Variants in KIF7 observed in about 807,000 individuals in gnomAD.
The protein encoded by KIF7 is kinesin family member 7, also known as kinesin-like protein KIF7.
A neutral mutation model predicts 135.7 loss-of-function variants in KIF7; 104 were observed. The ratio of observed to expected loss-of-function variants is 0.77; its 90% CI spans 0.65 to 0.90. KIF7 has a LOEUF of 0.90. Ranked by LOEUF, KIF7 falls within the 40% of genes least tolerant of loss-of-function variation. The pLI is 0.00. For synonymous variants in KIF7, 883 were observed against 809.4 expected, an observed-to-expected ratio of 1.09 and a Z score of -1.54; for missense variants, 2,005 against 1,839.1, an observed-to-expected ratio of 1.09 and a Z score of -1.65.
chr15:89,633,006 A>AGTAGGGAG lies in KIF7; in HGVS notation c.2719-18_2719-11dup, dbSNP rs1555423472. On this transcript the variant is annotated splice_polypyrimidine_tract_variant and intron_variant, in intron 13 of 18. Transcript: ENST00000394412. The stretch of plus-strand genomic sequence containing the variant: ...TCTGCTCCTCAATCTTCTAAGGAAA[A>AGTAGGGAG]GTAGGGAGGGAGGGAGGGAACTCAG... 9 of 339,396 alleles carry AGTAGGGAG rather than the reference A, an allele frequency of 2.7e-5. No homozygotes were observed. The African/African-American group carries it at 5.2e-4, about 20-fold the overall frequency. 21.0% of individuals were successfully genotyped at this position (339,396 alleles called of 1,614,324 possible).
chr15:89,645,825 T>A (rs780137850), intron 8 of KIF7, 68 bp downstream of exon 8: 1 of 1,575,830 alleles, frequency 6.3e-7, no homozygotes, highest in Non-Finnish European at 8.6e-7. Context: ...GACGGTGCGA[T>A]CCCCAGCCTG....
chr15:89,624,096 G>A (rs950570288), downstream of KIF7: 18 of 1,613,662 alleles, frequency 1.1e-5, no homozygotes, highest in Non-Finnish European at 1.5e-5. Context: ...GCACGCCTCA[G>A]AATCAAACAC....
At chr15:89,622,562 G>C (rs1021992240) in intron 1 of KIF7, among the ~76,000 whole-genome samples, 5 of 152,192 alleles carry the variant, frequency 3.3e-5, no homozygotes, top group African/African-American at 1.2e-4. Flanking sequence ...TGGAAACTCA[G>C]TAAATTGCTT....
chr15:89,628,250 TC>T lies in KIF7; in HGVS notation c.*168del. The T allele has an allele frequency of 1.4e-6, 1 of 707,154 alleles. No individual in the cohort carries two copies. The highest frequency in any genetic ancestry group is 2.7e-5 in the South Asian group (1 of 36,742). The allele number at this position is 707,154 out of a possible 1,614,324, so 43.8% of individuals were successfully genotyped here. On this transcript the variant is annotated 3_prime_UTR_variant, in exon 19 of 19. Coordinates refer to ENST00000394412, the MANE Select transcript of KIF7 (RefSeq NM_198525.3). The stretch of plus-strand genomic sequence containing the variant: ...TGCATATTATTTTGTTAAATGAGGG[TC>T]CAGTTCTTTTGGGCCATGGCCCAAA...
At chr15:89,627,138 G>T (rs771173857), downstream of KIF7, 1 of 1,604,926 alleles carries the variant, frequency 6.2e-7, no homozygotes, top group Non-Finnish European at 8.5e-7. Flanking sequence ...GGACCCTGTG[G>T]ACATAAAGAA....
Position 89,621,426 on chromosome 15 carries a change from G to A in KIF7, c.181-3231C>T, listed in dbSNP as rs200662212. On this transcript the variant is annotated intron_variant and NMD_transcript_variant, in intron 1 of 2. Coordinates refer to the KIF7 transcript ENST00000558928. ...GAAAATTCTCCAGTCCAAAGTATTC[G>A]GTCTCCCAAGAGTCTTCTTTTTGGG... The A allele has an allele frequency of 1.6e-4, 256 of 1,610,566 alleles. 5 individuals carry two copies. The South Asian group carries it at 2.7e-3, about 17-fold the overall frequency.
chr15:89,627,219 T>C (rs1392613246), downstream of KIF7: 3 of 1,092,784 alleles, frequency 2.7e-6, no homozygotes, highest in African/African-American at 4.7e-5. Context: ...GCCTTAGGGT[T>C]TTCTAATTCC....
chr15:89,648,998 G>A lies in KIF7; in HGVS notation c.899C>T (p.Pro300Leu). 1 of 1,545,618 alleles carries A rather than the reference G, an allele frequency of 6.5e-7. No individual in the cohort carries two copies. The highest frequency in any genetic ancestry group is 2.4e-5 in the East Asian group (1 of 40,842). ...GDPQRRGSHIPYRDSKITRIL... is the reference protein window; with the variant it reads ...GDPQRRGSHILYRDSKITRIL... ...CCGGGTGATCTTGGAGTCGCGGTAGGGTATGTGGCTGCCCCGGCGCTGAGG... is the reference window on the plus strand; with the variant it reads ...CCGGGTGATCTTGGAGTCGCGGTAGAGTATGTGGCTGCCCCGGCGCTGAGG... Residue 300 changes from proline to leucine, a missense_variant, in exon 4 of 19, where the codon CCC (proline) becomes CTC (leucine). Physicochemically the swap from Pro to Leu is moderately conservative, Grantham distance 98. Transcript: ENST00000394412.
At chr15:89,647,801 C>A in intron 5 of KIF7, 89 bp from the exon 6 acceptor site, 1 of 1,035,290 alleles carries the variant, frequency 9.7e-7, no homozygotes, top group Non-Finnish European at 1.4e-6. Flanking sequence ...TGCTTTCTAT[C>A]TACTCTTCCA....
chr15:89,638,509 CAG>C (rs1360470356), intron 11 of KIF7, among the ~76,000 whole-genome samples: 3 of 151,884 alleles, frequency 2.0e-5, no homozygotes, highest in Non-Finnish European at 4.4e-5. Flanking sequence ...CAACAACAAA[CAG>C]AGAGCCAAAT....
chr15:89,628,774 C>T lies in KIF7; in HGVS notation c.3677G>A (p.Arg1226Lys), dbSNP rs551619127. ...CTGTCTGCCCTCCGAGCACAGGCTC[C>T]TCTTCTCCCCACCTGTCATGGAGAG... ...AVGHSRGGEKRSLCSEGRQAP... is the reference protein window; with the variant it reads ...AVGHSRGGEKKSLCSEGRQAP... Residue 1226 changes from arginine (R) to lysine (K), a missense_variant, in exon 19 of 19, where the codon AGG becomes AAG. Arg to Lys is a conservative substitution (Grantham distance 26, BLOSUM62 2). Transcript: ENST00000394412. 12 of 1,612,070 alleles carry T rather than the reference C, an allele frequency of 7.4e-6. No homozygotes were observed. The highest frequency in any genetic ancestry group is 1.6e-4 in the Middle Eastern group (1 of 6,062).
At chr15:89,627,925 G>C (rs1237534505), downstream of KIF7, 2 of 153,732 alleles carry the variant, frequency 1.3e-5, no homozygotes, top group African/African-American at 2.4e-5. Context: ...TCCCAAATCT[G>C]ATTCCTCCTA....
At position 89,642,202 on chromosome 15, in the gene KIF7, C is replaced by A. The variant is rs751162515; in HGVS notation, c.2394+1G>T. 10 of 1,610,122 alleles carry A rather than the reference C, an allele frequency of 6.2e-6. No individual in the cohort carries two copies. Among genetic ancestry groups the A allele is most frequent in the Non-Finnish European group, 8.5e-6 (10 of 1,179,484 alleles). ...CCCCACCCTGAGGCCCCGAGACTAA[C>A]CTGCACCTGGCTCTGGGCCGCAGCG... On this transcript the variant is annotated splice_donor_variant, in intron 11 of 18. Coordinates refer to ENST00000394412, the MANE Select transcript of KIF7 (RefSeq NM_198525.3). LOFTEE classifies it high-confidence loss of function.
intron 1 of KIF7, among the ~76,000 whole-genome samples, chr15:89,622,140 A>C (rs1963437409): frequency 6.6e-6 from 1 of 151,834 alleles, no homozygotes; most frequent in East Asian, 1.9e-4. Context: ...CACCCACCAC[A>C]ACGCCCAACT....
At chr15:89,650,051 T>C (rs751665726) in intron 2 of KIF7, 110 bp from the exon 3 acceptor site, 6 of 1,164,790 alleles carry the variant, frequency 5.2e-6, no homozygotes, top group South Asian at 1.3e-5. Flanking sequence ...TGCTCTAGGA[T>C]GGAGAAGGCA....
At chr15:89,647,557 C>G (rs763999506) in intron 6 of KIF7, 39 bp downstream of exon 6, 1 of 1,558,570 alleles carries the variant, frequency 6.4e-7, no homozygotes, top group Non-Finnish European at 8.8e-7. Flanking sequence ...TCATCCTCCT[C>G]TGGGAAGCCT....
At position 89,629,565 on chromosome 15, in the gene KIF7, C is replaced by A. The variant is rs575365743; in HGVS notation, c.3327G>T (p.Thr1109=). 6.2e-7 allele frequency: 1 copy of A among 1,606,086 alleles called. No individual in the cohort carries two copies. Among genetic ancestry groups the A allele is most frequent in the Non-Finnish European group, 8.5e-7 (1 of 1,179,936 alleles). Residue 1109 remains threonine, a synonymous_variant, in exon 17 of 19, where the codon ACG becomes ACT. Transcript: ENST00000394412. Reference sequence around the variant, plus strand: ...GCTGCTGGTGCTGCTCCTCTCGGAGCGTCACCACCTGTCCCAAGACCCAGC... The same window carrying A: ...GCTGCTGGTGCTGCTCCTCTCGGAGAGTCACCACCTGTCCCAAGACCCAGC... The part of the protein sequence containing the change: ...LLCKYFDKVV[T]LREEQHQQQI...
intron 1 of KIF7, among the ~76,000 whole-genome samples, chr15:89,621,017 G>A (rs1176990675): frequency 8.1e-5 from 12 of 148,586 alleles, no homozygotes; most frequent in Non-Finnish European, 1.5e-4. Context: ...CACTGCGCCC[G>A]GCCTTGTTTG....
downstream of KIF7, chr15:89,625,451 C>T (rs775186251): frequency 5.0e-6 from 8 of 1,613,876 alleles, no homozygotes; most frequent in South Asian, 8.8e-5. Context: ...GGGAGCCTGT[C>T]ACTGCTTGAG....
Sources: allele counts gnomAD v4.1 joint callset (sites outside exome capture counted in the v4.1 genomes callset), GRCh38; gene constraint gnomAD v4.1.1; transcripts MANE v1.5; gene names NCBI Gene and HGNC (gene_info 2026-07-23, HGNC 2026-07-21).